Variants in ZFPM2 observed in about 807,000 individuals in gnomAD.
The protein encoded by ZFPM2 is zinc finger protein ZFPM2.
Under a neutral mutation model 98.6 loss-of-function variants are expected in ZFPM2, and 20 were observed. That is an observed-to-expected ratio of 0.20 (90% CI 0.14 to 0.29). The LOEUF is 0.29. ZFPM2 is among the 10% of genes least tolerant of loss of function. ZFPM2 has a pLI of 1.00. For missense variants in ZFPM2, 1,310 were observed against 1,388.6 expected (o/e 0.94, Z 0.90); for synonymous variants, 518 against 502.7 (o/e 1.03, Z -0.41).
At chr8:105,634,949 T>C (rs1051008110) in intron 5 of ZFPM2, among the ~76,000 whole-genome samples, 15 of 152,190 alleles carry the variant, frequency 9.9e-5, no homozygotes, top group African/African-American at 3.4e-4. Flanking sequence ...GACTGTGTCA[T>C]GTAGCTGCAC....
intron 4 of ZFPM2, among the ~76,000 whole-genome samples, chr8:105,613,843 G>T (rs1242223665): frequency 6.6e-6 from 1 of 152,124 alleles, no homozygotes; most frequent in Non-Finnish European, 1.5e-5. Flanking sequence ...AAAAGGCAAA[G>T]TTACATTTAT....
At chr8:105,575,243 C>G (rs1423300415) in intron 4 of ZFPM2, among the ~76,000 whole-genome samples, 2 of 152,118 alleles carry the variant, frequency 1.3e-5, no homozygotes, top group African/African-American at 4.8e-5. Context: ...AAATGTTTCT[C>G]TTTGGTTGCA....
intron 3 of ZFPM2, among the ~76,000 whole-genome samples, chr8:105,512,316 T>C (rs539840846): frequency 6.6e-6 from 1 of 152,220 alleles, no homozygotes; most frequent in Admixed American, 6.5e-5. Context: ...GCTTTGACCC[T>C]TGTAAACCAG....
chr8:105,399,829 G>T (rs1260587335), intron 1 of ZFPM2, among the ~76,000 whole-genome samples: 3 of 152,040 alleles, frequency 2.0e-5, no homozygotes, highest in African/African-American at 7.2e-5. Flanking sequence ...GCAGTGGCGC[G>T]ATCTCGGCTC....
At chr8:105,471,101 C>T (rs1012272578) in intron 3 of ZFPM2, among the ~76,000 whole-genome samples, 5 of 152,246 alleles carry the variant, frequency 3.3e-5, no homozygotes, top group Admixed American at 6.5e-5. Context: ...CTCACTCTGA[C>T]AGCTTCGTTT....
intron 5 of ZFPM2, among the ~76,000 whole-genome samples, chr8:105,746,402 A>T (rs1233586204): frequency 6.6e-6 from 1 of 152,058 alleles, no homozygotes; most frequent in African/African-American, 2.4e-5. Flanking sequence ...TCTAAATTTG[A>T]TTGTTTCAAT....
chr8:105,433,113 C>A (rs947651506), intron 2 of ZFPM2, among the ~76,000 whole-genome samples: 8 of 152,088 alleles, frequency 5.3e-5, no homozygotes, highest in African/African-American at 1.7e-4. Flanking sequence ...AATAGAATTC[C>A]TTGAATGCCT....
chr8:105,700,482 A>G (rs1000320980), intron 5 of ZFPM2, among the ~76,000 whole-genome samples: 1 of 152,198 alleles, frequency 6.6e-6, no homozygotes, highest in African/African-American at 2.4e-5. Flanking sequence ...TGTGACTTGT[A>G]TTAAAGCTGG....
intron 3 of ZFPM2, among the ~76,000 whole-genome samples, chr8:105,518,914 T>C (rs1422585002): frequency 6.6e-6 from 1 of 152,134 alleles, no homozygotes; most frequent in African/African-American, 2.4e-5. Context: ...AAGGAAAAAA[T>C]AGTAAATGGA....
At chr8:105,437,914 G>A (rs180846345) in intron 2 of ZFPM2, among the ~76,000 whole-genome samples, 154 of 152,084 alleles carry the variant, frequency 1.0e-3, no homozygotes, top group African/African-American at 3.3e-3. Flanking sequence ...ATGGTGGTGC[G>A]CATCTGTAAT....
intron 3 of ZFPM2, among the ~76,000 whole-genome samples, chr8:105,535,246 T>C (rs1269283279): frequency 1.3e-5 from 2 of 152,186 alleles, no homozygotes; most frequent in East Asian, 1.9e-4. Context: ...CCTTTGTGTT[T>C]CTGTGTAGCA....
chr8:105,393,652 G>A (rs1279302773), intron 1 of ZFPM2, among the ~76,000 whole-genome samples: 1 of 151,996 alleles, frequency 6.6e-6, no homozygotes, highest in Admixed American at 6.6e-5. Flanking sequence ...GCATAGTCTT[G>A]GGTGGGAGAA....
At chr8:105,596,711 G>C (rs1330719744) in intron 4 of ZFPM2, among the ~76,000 whole-genome samples, 1 of 146,644 alleles carries the variant, frequency 6.8e-6, no homozygotes, top group Non-Finnish European at 1.5e-5. Context: ...TAGAGAAGGA[G>C]GTCTCTGGGT....
chr8:105,491,366 G>A (rs745696661), intron 3 of ZFPM2, among the ~76,000 whole-genome samples: 1 of 152,080 alleles, frequency 6.6e-6, no homozygotes, highest in East Asian at 1.9e-4. Context: ...CCAGTGTTGT[G>A]GTATTCAATT....
intron 5 of ZFPM2, among the ~76,000 whole-genome samples, chr8:105,689,413 T>C (rs574641132): frequency 6.6e-6 from 1 of 152,334 alleles, no homozygotes; most frequent in African/African-American, 2.4e-5. Flanking sequence ...TTAAAAGGAC[T>C]TCATCAGTTA....
intron 3 of ZFPM2, among the ~76,000 whole-genome samples, chr8:105,459,085 T>G (rs1462860234): frequency 2.0e-5 from 3 of 152,200 alleles, no homozygotes; most frequent in Admixed American, 2.0e-4. Context: ...TCTTTTTTTC[T>G]TTCTCTGAGA....
At chr8:105,555,906 A>G (rs1814977760) in intron 3 of ZFPM2, among the ~76,000 whole-genome samples, 4 of 152,274 alleles carry the variant, frequency 2.6e-5, no homozygotes, top group Admixed American at 2.6e-4. Flanking sequence ...ACTGGAGATG[A>G]GGAGGAATGG....
chr8:105,614,198 G>A (rs1333512387), intron 4 of ZFPM2, among the ~76,000 whole-genome samples: 1 of 152,044 alleles, frequency 6.6e-6, no homozygotes, highest in Admixed American at 6.6e-5. Context: ...AATAACAGAA[G>A]TGCAAGATGT....
chr8:105,500,600 T>A (rs4734869), intron 3 of ZFPM2, among the ~76,000 whole-genome samples: 55,791 of 151,964 alleles, frequency 0.37, 12,091 homozygotes, highest in African/African-American at 0.61. Flanking sequence ...CGTTAGGTTT[T>A]AAGAAGTGAT....
Sources: allele counts gnomAD v4.1 joint callset (sites outside exome capture counted in the v4.1 genomes callset), GRCh38; gene constraint gnomAD v4.1.1; transcripts MANE v1.5; gene names NCBI Gene and HGNC (gene_info 2026-07-23, HGNC 2026-07-21).